LRRC4C: variants seen among roughly 807,000 people sequenced by gnomAD.
The protein encoded by LRRC4C is leucine-rich repeat-containing protein 4C.
LRRC4C carries 5 observed loss-of-function variants against 33.6 expected under a neutral mutation model. That is an observed-to-expected ratio of 0.15 (90% CI 0.08 to 0.31). The LOEUF (loss-of-function observed/expected upper bound fraction) is 0.31. Among genes scored for constraint, LRRC4C ranks in the 10% least tolerant of loss-of-function variants. LRRC4C has a pLI of 1.00. For missense variants in LRRC4C, 560 were observed against 796.7 expected (o/e 0.70, Z 3.58); for synonymous variants, 329 against 302.0 (o/e 1.09, Z -0.93).
At position 40,336,943 on chromosome 11, in the gene LRRC4C, C is replaced by G. The variant is rs185151043; in HGVS notation, c.-269-17222G>C. On this transcript the variant is annotated intron_variant, in intron 3 of 6. Transcript: ENST00000528697. ...AGTGAGCCGAGATTGCACCACTGCA[C>G]TCCAGCCTGGGGGACAGAGCGAGAC... 1.4e-3 allele frequency among the ~76,000 whole-genome samples: 182 copies of G among 127,262 alleles called. 1 individual carries two copies. The East Asian group carries it at 0.032, about 22-fold the overall frequency. The allele number at this position is 127,262 out of a possible 152,430, so 83.5% of individuals were successfully genotyped here.
chr11:40,904,850 C>G (rs1013402017), intron 2 of LRRC4C, among the ~76,000 whole-genome samples: 2 of 152,198 alleles, frequency 1.3e-5, no homozygotes, highest in Admixed American at 6.5e-5. Flanking sequence ...GCGGAACACA[C>G]TTTCATCAAG....
At chr11:41,418,186 T>C (rs1224636417) in intron 1 of LRRC4C, among the ~76,000 whole-genome samples, 2 of 152,006 alleles carry the variant, frequency 1.3e-5, no homozygotes, top group Admixed American at 6.6e-5. Context: ...CAGATTTACA[T>C]AGACATATCT....
chr11:40,877,708 A>T (rs2135992476), intron 2 of LRRC4C, among the ~76,000 whole-genome samples: 1 of 152,304 alleles, frequency 6.6e-6, no homozygotes, highest in Non-Finnish European at 1.5e-5. Context: ...CAGTGCAGAC[A>T]CATTTGACGA....
chr11:40,427,598 C>T lies in LRRC4C; in HGVS notation c.-269-107877G>A, dbSNP rs945139820. 7.2e-5 allele frequency among the ~76,000 whole-genome samples: 11 copies of T among 152,124 alleles called. No individual in the cohort carries two copies. The South Asian group carries it at 1.7e-3, about 23-fold the overall frequency. On this transcript the variant is annotated intron_variant, in intron 3 of 6. Transcript: ENST00000528697. ...ATCCCAGCATTTTGGGAAGTCAAGGCGGGTGAATTGCTTAAGGCCAGGAAT... is the reference window on the plus strand; with the variant it reads ...ATCCCAGCATTTTGGGAAGTCAAGGTGGGTGAATTGCTTAAGGCCAGGAAT...
At chr11:40,500,570 T>C (rs1954711315) in intron 3 of LRRC4C, among the ~76,000 whole-genome samples, 1 of 151,690 alleles carries the variant, frequency 6.6e-6, no homozygotes, top group East Asian at 1.9e-4. Context: ...CAAGAGAGAA[T>C]GAGGCAGAAG....
intron 1 of LRRC4C, among the ~76,000 whole-genome samples, chr11:41,317,709 A>G (rs1010702607): frequency 1.3e-5 from 2 of 152,180 alleles, no homozygotes; most frequent in Non-Finnish European, 2.9e-5. Flanking sequence ...GACAAGACTA[A>G]GTAACATAAT....
rs1297769810 is a variant in LRRC4C at position 40,705,350 on chromosome 11, T to TC, written c.-406-57073dup. ...TAGGTATTTCTCCCAACGCTATCCC[T>TC]CCCCCATCCCCTCAAGCCACGACAG... On this transcript the variant is annotated intron_variant, in intron 2 of 6. Coordinates refer to ENST00000528697, the MANE Select transcript of LRRC4C (RefSeq NM_001258419.2). Among the ~76,000 whole-genome samples, 3 of 151,710 alleles carry TC rather than the reference T, an allele frequency of 2.0e-5. No homozygotes were observed. The East Asian group carries it at 5.9e-4, about 30-fold the overall frequency.
intron 1 of LRRC4C, among the ~76,000 whole-genome samples, chr11:41,051,542 A>AAAAAAAAAAAAAAAAAAAAAAAAG (rs1858218763): frequency 8.5e-6 from 1 of 117,162 alleles, no homozygotes. Flanking sequence ...AAAAAAAAAA[A>AAAAAAAAAAAAAAAAAAAAAAAAG]AAAAAAAAAA....
chr11:41,358,017 C>T (rs1350859319), intron 1 of LRRC4C, among the ~76,000 whole-genome samples: 1 of 151,990 alleles, frequency 6.6e-6, no homozygotes, highest in Non-Finnish European at 1.5e-5. Context: ...TATAAAGCTA[C>T]AGTAATCAAG....
At chr11:41,429,822 A>T (rs572599499) in intron 1 of LRRC4C, among the ~76,000 whole-genome samples, 1 of 152,188 alleles carries the variant, frequency 6.6e-6, no homozygotes, top group African/African-American at 2.4e-5. Context: ...ACAAAAAAAT[A>T]AAAATAAAAA....
chr11:40,158,025 A>T (rs1160970185), intron 5 of LRRC4C, among the ~76,000 whole-genome samples: 2 of 152,228 alleles, frequency 1.3e-5, no homozygotes, highest in Non-Finnish European at 2.9e-5. Flanking sequence ...AATGCCCATC[A>T]ATCAATGAGT....
intron 1 of LRRC4C, among the ~76,000 whole-genome samples, chr11:41,174,282 A>G (rs181278884): frequency 3.5e-4 from 54 of 152,230 alleles, no homozygotes; most frequent in African/African-American, 1.0e-3. Flanking sequence ...AAATGGAGAG[A>G]ACAGTTTATC....
At chr11:41,374,044 A>G (rs1952851695) in intron 1 of LRRC4C, among the ~76,000 whole-genome samples, 1 of 152,148 alleles carries the variant, frequency 6.6e-6, no homozygotes, top group African/African-American at 2.4e-5. Context: ...CTCATAACCC[A>G]ATTAGTCAAA....
intron 5 of LRRC4C, among the ~76,000 whole-genome samples, chr11:40,234,927 C>T (rs139159295): frequency 4.7e-4 from 72 of 152,296 alleles, no homozygotes; most frequent in Non-Finnish European, 8.5e-4. Flanking sequence ...GGTAGAGACA[C>T]AAGGTTTCTC....
At chr11:40,456,141 T>A (rs894732230) in intron 3 of LRRC4C, among the ~76,000 whole-genome samples, 3 of 152,162 alleles carry the variant, frequency 2.0e-5, no homozygotes, top group African/African-American at 7.2e-5. Flanking sequence ...CCAATATTAA[T>A]CAACCTCTTT....
intron 1 of LRRC4C, among the ~76,000 whole-genome samples, chr11:41,325,839 G>T (rs894277434): frequency 1.3e-5 from 2 of 151,986 alleles, no homozygotes; most frequent in African/African-American, 2.4e-5. Flanking sequence ...CTTTTATAAT[G>T]CTAGACCCTG....
chr11:41,436,205 A>G (rs1185303350), intron 1 of LRRC4C, among the ~76,000 whole-genome samples: 1 of 152,230 alleles, frequency 6.6e-6, no homozygotes, highest in Non-Finnish European at 1.5e-5. Context: ...CTGTCTCCGA[A>G]AAAAACATTT....
At chr11:40,388,434 C>T (rs1054662965) in intron 3 of LRRC4C, among the ~76,000 whole-genome samples, 28 of 152,234 alleles carry the variant, frequency 1.8e-4, no homozygotes, top group South Asian at 1.0e-3. Flanking sequence ...ATTCAGGTTG[C>T]GCTTGGAGGG....
chr11:41,299,622 T>C (rs995235073), intron 1 of LRRC4C, among the ~76,000 whole-genome samples: 1 of 152,098 alleles, frequency 6.6e-6, no homozygotes, highest in African/African-American at 2.4e-5. Flanking sequence ...TAAAGTGAAT[T>C]TATGATCCAT....
Sources: gnomAD v4.1 joint callset for allele counts (sites outside exome capture counted in the v4.1 genomes callset) on GRCh38, gnomAD v4.1.1 for gene constraint, MANE v1.5 for transcripts, NCBI Gene and HGNC (gene_info 2026-07-23, HGNC 2026-07-21) for gene names.